Variants in GALNT13 observed in about 807,000 individuals in gnomAD.
GALNT13 encodes the protein polypeptide N-acetylgalactosaminyltransferase 13.
In GALNT13, 28 loss-of-function variants were observed where a neutral mutation model predicts 64.2. That is an observed-to-expected ratio of 0.44 (90% confidence interval 0.32 to 0.60). The LOEUF (loss-of-function observed/expected upper bound fraction) is 0.60. GALNT13 is among the 20% of genes least tolerant of loss of function. The pLI is 0.05. For missense variants in GALNT13, 577 were observed against 669.8 expected (o/e 0.86, Z 1.53); for synonymous variants, 214 against 224.6 (o/e 0.95, Z 0.42).
At chr2:153,645,581 A>C in the GALNT13 span, among the ~76,000 whole-genome samples, 7 of 152,246 alleles carry the variant, frequency 4.6e-5, no homozygotes, top group East Asian at 1.9e-4. Context: ...GTGTATACAG[A>C]GCTGTTTTTT....
At chr2:154,341,893 C>T (rs1275539796) in intron 9 of GALNT13, among the ~76,000 whole-genome samples, 2 of 151,910 alleles carry the variant, frequency 1.3e-5, no homozygotes, top group Admixed American at 6.6e-5. Flanking sequence ...TGATTGTATT[C>T]GAGATATATT....
chr2:154,154,794 T>C (rs1684301178), intron 4 of GALNT13, among the ~76,000 whole-genome samples: 1 of 152,134 alleles, frequency 6.6e-6, no homozygotes, highest in Admixed American at 6.5e-5. Context: ...AAAGGAACTG[T>C]AAGTAAAAAT....
At chr2:153,535,520 A>C in the GALNT13 span, among the ~76,000 whole-genome samples, 1 of 152,142 alleles carries the variant, frequency 6.6e-6, no homozygotes, top group Non-Finnish European at 1.5e-5. Context: ...AGTAGGGATG[A>C]CAAGTTTTTT....
the GALNT13 span, among the ~76,000 whole-genome samples, chr2:153,336,249 AG>A: frequency 0.021 from 3,257 of 152,218 alleles, 131 homozygotes; most frequent in African/African-American, 0.073. Context: ...CTGTGGGAAG[AG>A]GGCCATCGTC....
the GALNT13 span, among the ~76,000 whole-genome samples, chr2:153,536,922 A>G: frequency 1.3e-5 from 2 of 152,260 alleles, no homozygotes; most frequent in Non-Finnish European, 1.5e-5. Flanking sequence ...ATAAAATAGT[A>G]TGATAAAGGC....
the GALNT13 span, among the ~76,000 whole-genome samples, chr2:153,594,501 T>A: frequency 1.3e-5 from 2 of 152,160 alleles, no homozygotes; most frequent in Non-Finnish European, 2.9e-5. Flanking sequence ...GTGATCATAT[T>A]GCACAGAAAT....
At chr2:153,679,906 T>G in the GALNT13 span, among the ~76,000 whole-genome samples, 2 of 151,934 alleles carry the variant, frequency 1.3e-5, no homozygotes, top group African/African-American at 4.8e-5. Context: ...GCTTAAACTT[T>G]CCTTGGTACT....
At chr2:154,112,139 C>A (rs1287068084) in intron 3 of GALNT13, among the ~76,000 whole-genome samples, 2 of 152,172 alleles carry the variant, frequency 1.3e-5, no homozygotes, top group Non-Finnish European at 2.9e-5. Context: ...AACCCACCAC[C>A]AGGTAGCTGG....
At chr2:154,035,723 C>T (rs1558922676) in intron 3 of GALNT13, among the ~76,000 whole-genome samples, 1 of 151,882 alleles carries the variant, frequency 6.6e-6, no homozygotes, top group Non-Finnish European at 1.5e-5. Flanking sequence ...TTATTGAATA[C>T]ATTTGGAATA....
intron 3 of GALNT13, among the ~76,000 whole-genome samples, chr2:154,023,055 G>T (rs1697647675): frequency 6.6e-6 from 1 of 152,202 alleles, no homozygotes; most frequent in Non-Finnish European, 1.5e-5. Flanking sequence ...ACTGTGGTCT[G>T]AGAGACTGTT....
intron 4 of GALNT13, among the ~76,000 whole-genome samples, chr2:154,198,987 C>T (rs2105774757): frequency 6.6e-6 from 1 of 152,004 alleles, no homozygotes; most frequent in African/African-American, 2.4e-5. Flanking sequence ...GCTGACTTTT[C>T]CAACAAAAAT....
At chr2:154,172,533 A>C (rs1226196824) in intron 4 of GALNT13, among the ~76,000 whole-genome samples, 1 of 152,020 alleles carries the variant, frequency 6.6e-6, no homozygotes, top group Non-Finnish European at 1.5e-5. Flanking sequence ...ATGAGTGAGA[A>C]CACGTAGTAT....
the GALNT13 span, among the ~76,000 whole-genome samples, chr2:153,554,561 C>T: frequency 7.2e-5 from 11 of 152,080 alleles, no homozygotes; most frequent in African/African-American, 2.2e-4. Flanking sequence ...GGAATTTAAA[C>T]CAGTTTCTTA....
the GALNT13 span, among the ~76,000 whole-genome samples, chr2:153,484,273 C>T: frequency 6.6e-6 from 1 of 152,132 alleles, no homozygotes; most frequent in East Asian, 1.9e-4. Context: ...CTTCTTAATA[C>T]TACATTTGTC....
chr2:154,039,184 A>G (rs1698837901), intron 3 of GALNT13, among the ~76,000 whole-genome samples: 1 of 152,134 alleles, frequency 6.6e-6, no homozygotes, highest in Admixed American at 6.6e-5. Context: ...TACAGCCATT[A>G]TGGAAAACAG....
At chr2:153,316,627 G>A in the GALNT13 span, among the ~76,000 whole-genome samples, 1 of 64,896 alleles carries the variant, frequency 1.5e-5, no homozygotes, top group South Asian at 4.0e-4. Flanking sequence ...GCAGCAGAGC[G>A]AGACTCCGTC....
At chr2:153,941,103 C>G (rs1033673182) in intron 2 of GALNT13, among the ~76,000 whole-genome samples, 5 of 152,104 alleles carry the variant, frequency 3.3e-5, no homozygotes, top group African/African-American at 4.8e-5. Flanking sequence ...GTTGCCCATG[C>G]TGGAGTACAG....
intron 3 of GALNT13, among the ~76,000 whole-genome samples, chr2:154,135,622 G>T (rs9288315): frequency 0.049 from 7,476 of 152,206 alleles, 363 homozygotes; most frequent in African/African-American, 0.12. Flanking sequence ...GTTTCTAAGA[G>T]AAATGGGCCA....
intron 3 of GALNT13, among the ~76,000 whole-genome samples, chr2:154,098,371 C>G (rs1702181147): frequency 1.3e-5 from 2 of 151,796 alleles, no homozygotes; most frequent in South Asian, 4.2e-4. Context: ...TCTTTTCTTA[C>G]CTTTTAAGTT....
Sources: allele counts gnomAD v4.1 joint callset (sites outside exome capture counted in the v4.1 genomes callset), GRCh38; gene constraint gnomAD v4.1.1; transcripts MANE v1.5; gene names NCBI Gene and HGNC (gene_info 2026-07-23, HGNC 2026-07-21).